SEZ6L: variants seen among roughly 807,000 people sequenced by gnomAD.
SEZ6L encodes the protein seizure 6-like protein.
Under a neutral mutation model 106.2 loss-of-function variants are expected in SEZ6L, and 37 were observed. The observed-to-expected ratio is 0.35, with a 90% CI of 0.27 to 0.46. The LOEUF (loss-of-function observed/expected upper bound fraction) is 0.46, where lower values mean the gene tolerates loss of function less well. SEZ6L is among the 20% of genes least tolerant of loss of function. SEZ6L has a pLI of 1.00. For missense variants in SEZ6L, 1,172 were observed against 1,332.8 expected (o/e 0.88, Z 1.88); for synonymous variants, 541 against 570.4 (o/e 0.95, Z 0.73).
At chr22:26,366,989 T>G (rs2083837380) in intron 13 of SEZ6L, among the ~76,000 whole-genome samples, 1 of 152,128 alleles carries the variant, frequency 6.6e-6, no homozygotes, top group African/African-American at 2.4e-5. Context: ...ATCCTATTTT[T>G]CCACTCAATA....
At chr22:26,293,911 G>A (rs950608918) in intron 2 of SEZ6L, among the ~76,000 whole-genome samples, 1 of 152,178 alleles carries the variant, frequency 6.6e-6, no homozygotes, top group South Asian at 2.1e-4. Context: ...TTTTGGACAA[G>A]TGCAATGTGG....
intron 1 of SEZ6L, among the ~76,000 whole-genome samples, chr22:26,219,713 A>C (rs2078406306): frequency 6.6e-6 from 1 of 152,244 alleles, no homozygotes; most frequent in Admixed American, 6.5e-5. Context: ...AGCAATAAAG[A>C]GGATCATGCA....
At chr22:26,348,114 C>T (rs1267519543) in intron 11 of SEZ6L, among the ~76,000 whole-genome samples, 2 of 152,066 alleles carry the variant, frequency 1.3e-5, no homozygotes, top group Non-Finnish European at 2.9e-5. Context: ...AAACCTGGAC[C>T]ATAATGTAAA....
chr22:26,308,929 C>T (rs780239331), intron 6 of SEZ6L, among the ~76,000 whole-genome samples: 4 of 152,148 alleles, frequency 2.6e-5, no homozygotes, highest in African/African-American at 4.8e-5. Flanking sequence ...ACAGAGTCAT[C>T]AGGAATCAGA....
intron 1 of SEZ6L, among the ~76,000 whole-genome samples, chr22:26,243,708 A>T (rs1387591375): frequency 1.3e-5 from 2 of 152,216 alleles, no homozygotes; most frequent in African/African-American, 4.8e-5. Flanking sequence ...AGAGATTATA[A>T]AAAGGACAAG....
At chr22:26,378,165 G>C (rs909302460) in intron 16 of SEZ6L, among the ~76,000 whole-genome samples, 11 of 152,146 alleles carry the variant, frequency 7.2e-5, no homozygotes, top group African/African-American at 2.4e-4. Flanking sequence ...CCTATTTTAG[G>C]TGCTAGGAAC....
intron 12 of SEZ6L, among the ~76,000 whole-genome samples, chr22:26,359,156 A>G (rs1223247554): frequency 1.3e-5 from 2 of 152,208 alleles, no homozygotes; most frequent in African/African-American, 4.8e-5. Context: ...CTAGGTGCTG[A>G]AGATACACAC....
At chr22:26,243,960 C>G (rs140092330) in intron 1 of SEZ6L, among the ~76,000 whole-genome samples, 12 of 151,894 alleles carry the variant, frequency 7.9e-5, no homozygotes, top group Admixed American at 7.9e-4. Context: ...CTCAGGAGTT[C>G]GAGACCAGCC....
chr22:26,369,153 G>A (rs1384717471), intron 13 of SEZ6L, among the ~76,000 whole-genome samples: 8 of 151,800 alleles, frequency 5.3e-5, no homozygotes, highest in Admixed American at 3.9e-4. Context: ...GGAGTCCTGA[G>A]CCCTTTCCAC....
At chr22:26,314,898 AGGCTTCTGT>A (rs1369176210) in intron 9 of SEZ6L, among the ~76,000 whole-genome samples, 2 of 152,366 alleles carry the variant, frequency 1.3e-5, no homozygotes, top group East Asian at 3.9e-4. Flanking sequence ...GCTGAAATTC[AGGCTTCTGT>A]GGCTTCTCAG....
chr22:26,287,662 G>C (rs2080980708), intron 1 of SEZ6L, among the ~76,000 whole-genome samples: 1 of 152,156 alleles, frequency 6.6e-6, no homozygotes, highest in Non-Finnish European at 1.5e-5. Flanking sequence ...GTTTCCTGCT[G>C]AGGCCCTGAA....
chr22:26,304,367 AAGAAGAAAG>A, intron 5 of SEZ6L, among the ~76,000 whole-genome samples: 1 of 86,706 alleles, frequency 1.2e-5, no homozygotes, highest in Middle Eastern at 6.1e-3. Context: ...AAAAAAAAGA[AAGAAGAAAG>A]AAAGAAAGAA....
chr22:26,367,566 A>G lies in SEZ6L; in HGVS notation c.2794+2000A>G, dbSNP rs2083863057. ...CGCTATGTTGCCCAGGCTGGTCTCT[A>G]CTCCTGGCCTCAAACGATCCTCCCA... On this transcript the variant is annotated intron_variant, in intron 13 of 16. Transcript: ENST00000248933. Among the ~76,000 whole-genome samples the G allele has an allele frequency of 2.0e-5, 3 of 151,164 alleles. No homozygotes were observed. The South Asian group carries it at 6.3e-4, about 32-fold the overall frequency.
At chr22:26,377,341 A>G (rs1176064390) in intron 15 of SEZ6L, among the ~76,000 whole-genome samples, 1 of 152,136 alleles carries the variant, frequency 6.6e-6, no homozygotes, top group Admixed American at 6.5e-5. Context: ...TAGGTGCTCA[A>G]TAAATGCTCA....
At chr22:26,242,488 T>A (rs2079170568) in intron 1 of SEZ6L, among the ~76,000 whole-genome samples, 1 of 152,136 alleles carries the variant, frequency 6.6e-6, no homozygotes. Flanking sequence ...GAGGGTCTTG[T>A]GTGATCATAG....
chr22:26,362,275 G>T (rs1483771543), intron 12 of SEZ6L, among the ~76,000 whole-genome samples: 3 of 152,222 alleles, frequency 2.0e-5, no homozygotes, highest in African/African-American at 7.2e-5. Context: ...GCTCTGGAAT[G>T]CCAGGGGGCA....
chr22:26,272,410 A>G (rs1173545123), intron 1 of SEZ6L, among the ~76,000 whole-genome samples: 1 of 152,190 alleles, frequency 6.6e-6, no homozygotes, highest in Non-Finnish European at 1.5e-5. Context: ...GACCCCAAAC[A>G]CTTGGTTTGT....
At chr22:26,222,587 A>C (rs2078509301) in intron 1 of SEZ6L, among the ~76,000 whole-genome samples, 1 of 152,030 alleles carries the variant, frequency 6.6e-6, no homozygotes, top group African/African-American at 2.4e-5. Context: ...GAGAAAAAAA[A>C]CTGAGGATTG....
intron 1 of SEZ6L, among the ~76,000 whole-genome samples, chr22:26,200,576 G>A (rs1403686417): frequency 6.6e-6 from 1 of 152,228 alleles, no homozygotes; most frequent in Non-Finnish European, 1.5e-5. Flanking sequence ...AGGGGTGGAA[G>A]GAGATGAGGA....
Sources: allele counts gnomAD v4.1 joint callset (sites outside exome capture counted in the v4.1 genomes callset), GRCh38; gene constraint gnomAD v4.1.1; transcripts MANE v1.5; gene names NCBI Gene and HGNC (gene_info 2026-07-23, HGNC 2026-07-21).